Variants in ZNF570 observed in about 807,000 individuals in gnomAD.
ZNF570 encodes zinc finger protein 570.
Under a neutral mutation model 14.2 loss-of-function variants are expected in ZNF570, and 8 were observed. The ratio of observed to expected loss-of-function variants is 0.56; its 90% confidence interval spans 0.33 to 1.02. The LOEUF (loss-of-function observed/expected upper bound fraction) is 1.02. Ranked by LOEUF, ZNF570 falls within the 50% of genes least tolerant of loss-of-function variation. ZNF570 has a pLI of 0.03. For synonymous variants in ZNF570, 202 were observed against 207.6 expected (o/e 0.97, Z 0.23); for missense variants, 559 against 624.9 (o/e 0.89, Z 1.12).
At chr19:37,472,349 T>C (rs953642147) in intron 2 of ZNF570, among the ~76,000 whole-genome samples, 2 of 151,748 alleles carry the variant, frequency 1.3e-5, no homozygotes, top group East Asian at 3.9e-4. Context: ...GCCAAAGTGA[T>C]CTTGTTAATA....
At chr19:37,469,674 G>T in intron 1 of ZNF570, 117 bp downstream of exon 1, 1 of 1,109,212 alleles carries the variant, frequency 9.0e-7, no homozygotes, top group South Asian at 1.5e-5. Flanking sequence ...AGGCGGGAGC[G>T]GGCGACTGTT....
chr19:37,484,611 A>G lies in ZNF570; in HGVS notation c.989A>G (p.Tyr330Cys). 3.1e-6 allele frequency: 5 copies of G among 1,614,076 alleles called. No individual in the cohort carries two copies. Among genetic ancestry groups the G allele is most frequent in the Non-Finnish European group, 4.2e-6 (5 of 1,179,966 alleles). ...AGAGTTCACACGGGAGAGAAACCCT[A>G]TGAATGTATCGAATGTGGGAAAGCA... ...HQRVHTGEKPYECIECGKAFS... is the reference protein window; with the variant it reads ...HQRVHTGEKPCECIECGKAFS... The change falls in exon 5 of 5, where the codon TAT (tyrosine) becomes TGT (cysteine). Residue 330 changes from tyrosine to cysteine, a missense_variant. Tyr to Cys is a radical substitution (Grantham distance 194). Transcript: ENST00000330173.
chr19:37,468,937 C>G (rs959828957), upstream of ZNF570: 7 of 605,814 alleles, frequency 1.2e-5, no homozygotes, highest in African/African-American at 2.0e-5. Context: ...CGCCTCCCAC[C>G]CATTTTGAGT....
chr19:37,472,531 G>A (rs906185377), intron 2 of ZNF570, among the ~76,000 whole-genome samples: 1 of 151,770 alleles, frequency 6.6e-6, no homozygotes, highest in African/African-American at 2.4e-5. Context: ...ACCTGAGGTC[G>A]GGAGTTCGAG....
chr19:37,484,613 G>C lies in ZNF570; in HGVS notation c.991G>C (p.Glu331Gln). The C allele has an allele frequency of 6.2e-7, 1 of 1,613,854 alleles. No individual in the cohort carries two copies. The highest frequency in any genetic ancestry group is 8.5e-7 in the Non-Finnish European group (1 of 1,179,928). The change falls in exon 5 of 5, where the codon GAA becomes CAA. Residue 331 changes from glutamate (E) to glutamine (Q), a missense_variant. By Grantham distance (29) the Glu-to-Gln change is conservative. Transcript: ENST00000330173. ...QRVHTGEKPY[E>Q]CIECGKAFSN... ...AGTTCACACGGGAGAGAAACCCTAT[G>C]AATGTATCGAATGTGGGAAAGCATT...
At chr19:37,478,279 G>T (rs1463080081) in intron 4 of ZNF570, among the ~76,000 whole-genome samples, 1 of 151,844 alleles carries the variant, frequency 6.6e-6, no homozygotes, top group East Asian at 1.9e-4. Flanking sequence ...TCCAAAAAAG[G>T]CTTTGCACAT....
rs572819193 is a variant in ZNF570 at position 37,474,973 on chromosome 19, T to G, written c.34-908T>G. ...TTTGTTTTGTTTTGTTTTTGTTTTTTTTTTTTTTGAGATGGAGTCTCGCCC... is the reference window on the plus strand; with the variant it reads ...TTTGTTTTGTTTTGTTTTTGTTTTTGTTTTTTTTGAGATGGAGTCTCGCCC... On this transcript the variant is annotated intron_variant, in intron 2 of 4. Coordinates refer to ENST00000330173, the MANE Select transcript of ZNF570 (RefSeq NM_144694.5). Among the ~76,000 whole-genome samples the G allele has an allele frequency of 9.7e-4, 147 of 151,412 alleles. 1 individual carries two copies. The highest frequency in any genetic ancestry group is 2.5e-3 in the South Asian group (12 of 4,810).
Position 37,469,575 on chromosome 19 carries a change from C to A in ZNF570, c.-52+18C>A. 1 of 1,534,978 alleles carries A rather than the reference C, an allele frequency of 6.5e-7. No individual in the cohort carries two copies. The highest frequency in any genetic ancestry group is 8.7e-7 in the Non-Finnish European group (1 of 1,145,800). On this transcript the variant is annotated intron_variant, in intron 1 of 4. Transcript: ENST00000330173. ...GAGTGGAGGTTGGTACCGTTCAGTG[C>A]GAGGCTGTCACCCCGTGTGCCTGTC...
chr19:37,475,986 T>G lies in ZNF570; in HGVS notation c.139T>G (p.Tyr47Asp). The change falls in exon 3 of 5, where the codon TAC becomes GAC. Residue 47 changes from tyrosine (Y) to aspartate (D), a missense_variant. By Grantham distance (160) the Tyr-to-Asp change is radical. Coordinates refer to ENST00000330173, the MANE Select transcript of ZNF570 (RefSeq NM_144694.5). ...GTACAGTAATGTGATGCTAGAGAAC[T>G]ACAGGATCTTGGTATCACTGGGTAA... is the stretch of plus-strand genomic sequence containing the variant. ...HLYSNVMLEN[Y>D]RILVSLGLCF... The G allele has an allele frequency of 6.2e-7, 1 of 1,612,588 alleles. No homozygotes were observed. The highest frequency in any genetic ancestry group is 8.5e-7 in the Non-Finnish European group (1 of 1,179,482).
At chr19:37,468,010 G>C (rs1320390808), upstream of ZNF570, 9 of 1,389,878 alleles carry the variant, frequency 6.5e-6, no homozygotes, top group Non-Finnish European at 8.9e-6. Context: ...CTTCTAAACA[G>C]ACTTGGCCTT....
intron 4 of ZNF570, among the ~76,000 whole-genome samples, chr19:37,478,547 G>GGTTCTCAATGATTTCTTGA (rs1423194414): frequency 1.4e-5 from 2 of 145,638 alleles, no homozygotes; most frequent in Admixed American, 6.8e-5. Flanking sequence ...TTATTTTTCT[G>GGTTCTCAATGATTTCTTGA]TTGCCTTTGT....
chr19:37,476,185 C>T (rs1446291861), intron 3 of ZNF570, among the ~76,000 whole-genome samples, 154 bp from the exon 4 acceptor site: 3 of 152,242 alleles, frequency 2.0e-5, no homozygotes, highest in African/African-American at 7.2e-5. Flanking sequence ...GTGCCTGAAG[C>T]TTCATCTTCC....
In ZNF570 at chr19:37,470,708, T is replaced by C. The variant is rs10411695; in HGVS notation, c.33+321T>C. Among the ~76,000 whole-genome samples, 470 of 90,496 alleles carry C rather than the reference T, an allele frequency of 5.2e-3. 3 individuals are homozygous for C. Among genetic ancestry groups the C allele is most frequent in the African/African-American group, 0.021 (434 of 20,276 alleles). The allele number at this position is 90,496 out of a possible 152,430, so 59.4% of individuals were successfully genotyped here. On this transcript the variant is annotated intron_variant, in intron 2 of 4. Transcript: ENST00000330173. Reference sequence around the variant, plus strand: ...TTCTTATTTATTCTTTTTTTTTTTTTTTTTTTTTTTTGAGACAGAGTCTCA... The same window carrying C: ...TTCTTATTTATTCTTTTTTTTTTTTCTTTTTTTTTTTGAGACAGAGTCTCA...
upstream of ZNF570, among the ~76,000 whole-genome samples, chr19:37,468,629 C>T (rs2041893415): frequency 6.6e-6 from 1 of 152,220 alleles, no homozygotes; most frequent in Admixed American, 6.5e-5. Context: ...CCTCAGCCTC[C>T]TGAGTAGCTG....
rs1390124711 is a variant in ZNF570 at position 37,485,318 on chromosome 19, T to C, written c.*85T>C. ...TTGGTCTGATTCATCTCACTCTGATTACTAATATAGCTTTCAAACAGGTTT... is the reference window on the plus strand; with the variant it reads ...TTGGTCTGATTCATCTCACTCTGATCACTAATATAGCTTTCAAACAGGTTT... On this transcript the variant is annotated 3_prime_UTR_variant, in exon 5 of 5. Transcript: ENST00000330173. 3 of 1,305,836 alleles carry C rather than the reference T, an allele frequency of 2.3e-6. No individual in the cohort carries two copies. Among genetic ancestry groups the C allele is most frequent in the Non-Finnish European group, 3.1e-6 (3 of 978,744 alleles). The allele number at this position is 1,305,836 out of a possible 1,614,324, so 80.9% of individuals were successfully genotyped here. A position where few individuals can be genotyped will look rare whatever the true frequency, so the allele number is the denominator to read the frequency against.
chr19:37,476,427 G>A lies in ZNF570; in HGVS notation c.249G>A (p.Leu83=). ...TGAAGAGAGAGCTGACAAAAGGCTT[G>A]TGCTCAGGTTAGTGAAGAGGAAATT... ...WMVKRELTKG[L]CSGWEPICET... is the part of the protein sequence containing the mutation. The change falls in exon 4 of 5, where the codon TTG becomes TTA. Residue 83 remains leucine, a synonymous_variant. Coordinates refer to ENST00000330173, the MANE Select transcript of ZNF570 (RefSeq NM_144694.5). 6.2e-7 allele frequency: 1 copy of A among 1,613,828 alleles called. No individual in the cohort carries two copies.
chr19:37,469,283 G>C, upstream of ZNF570: 2 of 1,412,476 alleles, frequency 1.4e-6, no homozygotes, highest in Non-Finnish European at 1.8e-6. Context: ...TCCGGACTAC[G>C]TTTCCCAGCG....
At chr19:37,480,916 T>C (rs12459975) in intron 4 of ZNF570, among the ~76,000 whole-genome samples, 23,921 of 151,448 alleles carry the variant, frequency 0.16, 1,936 homozygotes, top group Middle Eastern at 0.27. Context: ...GCCACTGCAC[T>C]ACCGCCTAGG....
At position 37,487,561 on chromosome 19, in the gene ZNF570, C is replaced by T. The variant is rs144849889; in HGVS notation, c.*2328C>T. ...AATATAAAACAGTAGATTTTCTAAACGCAGAAAACGGAAGAGTAACAAGAA... is the reference window on the plus strand; with the variant it reads ...AATATAAAACAGTAGATTTTCTAAATGCAGAAAACGGAAGAGTAACAAGAA... On this transcript the variant is annotated 3_prime_UTR_variant, in exon 5 of 5. Transcript: ENST00000330173. 156 of 152,198 alleles carry T rather than the reference C, an allele frequency of 1.0e-3. 1 individual carries two copies. Among genetic ancestry groups the T allele is most frequent in the African/African-American group, 3.4e-3 (142 of 41,518 alleles). 9.4% of individuals were successfully genotyped at this position (152,198 alleles called of 1,614,324 possible).
Sources: allele counts gnomAD v4.1 joint callset (sites outside exome capture counted in the v4.1 genomes callset), GRCh38; gene constraint gnomAD v4.1.1; transcripts MANE v1.5; gene names NCBI Gene and HGNC (gene_info 2026-07-23, HGNC 2026-07-21).